Variants in NBEA observed in about 807,000 individuals in gnomAD.
NBEA encodes the protein neurobeachin.
In NBEA, 44 loss-of-function variants were observed where a neutral mutation model predicts 343.4. That is an observed-to-expected ratio of 0.13 (90% CI 0.10 to 0.16). The LOEUF is 0.16. Ranked by LOEUF, NBEA falls within the 10% of genes least tolerant of loss-of-function variation. The pLI is 1.00. For synonymous variants in NBEA, 1,175 were observed against 1,238.7 expected (o/e 0.95, Z 1.08); for missense variants, 2,555 against 3,631.3 (o/e 0.70, Z 7.62).
intron 38 of NBEA, among the ~76,000 whole-genome samples, chr13:35,380,402 G>A (rs778153250): frequency 9.2e-5 from 14 of 151,992 alleles, no homozygotes; most frequent in African/African-American, 2.7e-4. Flanking sequence ...CCAAGATCAC[G>A]CCACTGCACT....
intron 1 of NBEA, among the ~76,000 whole-genome samples, chr13:35,021,589 T>C (rs2061840785): frequency 1.3e-5 from 2 of 152,158 alleles, no homozygotes; most frequent in African/African-American, 2.4e-5. Context: ...TGTTATGACT[T>C]AATTTTACAC....
At chr13:35,599,747 A>T (rs899835752) in intron 47 of NBEA, among the ~76,000 whole-genome samples, 23 of 152,228 alleles carry the variant, frequency 1.5e-4, no homozygotes, top group African/African-American at 5.5e-4. Context: ...GGAGATGCCA[A>T]AGGGCTTGCT....
At chr13:35,361,104 A>C (rs1046782951) in intron 38 of NBEA, among the ~76,000 whole-genome samples, 2 of 152,098 alleles carry the variant, frequency 1.3e-5, no homozygotes, top group Non-Finnish European at 2.9e-5. Context: ...AAATCTTGAA[A>C]GAAAATACAG....
rs766634949 is a variant in NBEA, at chr13:35,352,144, T to C, written c.6013-13T>C. ...AAAGTTTATTATTATGCATCATTTG[T>C]ATTTCTTTATAGTCACAGTGTGCCC... On this transcript the variant is annotated splice_polypyrimidine_tract_variant and intron_variant, in intron 37 of 58. Coordinates refer to ENST00000379939, the MANE Select transcript of NBEA (RefSeq NM_001385012.1). 1 of 1,400,694 alleles carries C rather than the reference T, an allele frequency of 7.1e-7. No individual in the cohort carries two copies. Among genetic ancestry groups the C allele is most frequent in the East Asian group, 2.7e-5 (1 of 37,032 alleles). The allele number at this position is 1,400,694 out of a possible 1,614,324, so 86.8% of individuals were successfully genotyped here.
At chr13:35,334,217 A>G (rs191868492) in intron 36 of NBEA, among the ~76,000 whole-genome samples, 2 of 152,208 alleles carry the variant, frequency 1.3e-5, no homozygotes, top group Admixed American at 6.5e-5. Context: ...TGATATTGCT[A>G]AAGTTTAGAT....
intron 17 of NBEA, among the ~76,000 whole-genome samples, chr13:35,129,811 A>G (rs1273724681): frequency 6.6e-6 from 1 of 152,148 alleles, no homozygotes; most frequent in Non-Finnish European, 1.5e-5. Context: ...TCTTACCACA[A>G]AGTGAAACTC....
At chr13:34,979,696 A>G (rs933890780) in intron 1 of NBEA, among the ~76,000 whole-genome samples, 2 of 152,140 alleles carry the variant, frequency 1.3e-5, no homozygotes, top group Non-Finnish European at 2.9e-5. Flanking sequence ...ACTTAAAGCT[A>G]TATTTTCAGG....
chr13:35,325,337 A>T (rs1197855059), intron 36 of NBEA, among the ~76,000 whole-genome samples: 2 of 151,970 alleles, frequency 1.3e-5, no homozygotes, highest in African/African-American at 4.8e-5. Context: ...TGGGTACATA[A>T]TTGTATGTAT....
intron 1 of NBEA, among the ~76,000 whole-genome samples, chr13:35,040,064 G>A (rs1001739621): frequency 1.3e-5 from 2 of 152,058 alleles, no homozygotes; most frequent in Non-Finnish European, 2.9e-5. Context: ...CTTCAAATTT[G>A]TCAGACGTTG....
chr13:35,525,550 T>C lies in NBEA; in HGVS notation c.6586-24927T>C, dbSNP rs192428187. Among the ~76,000 whole-genome samples, 1,118 of 151,642 alleles carry C rather than the reference T, an allele frequency of 7.4e-3. 19 individuals are homozygous for C. Among genetic ancestry groups the C allele is most frequent in the East Asian group, 0.065 (337 of 5,162 alleles). On this transcript the variant is annotated intron_variant, in intron 41 of 58. Transcript: ENST00000379939. ...CCTGCATGACAGGAGCAAGATTCCA[T>C]CTCAATAAATAAATAAATAAATAAA...
rs1334643041 is a variant in NBEA, at chr13:35,173,467, G to T, written c.4427G>T (p.Cys1476Phe). 1 of 1,600,564 alleles carries T rather than the reference G, an allele frequency of 6.2e-7. No homozygotes were observed. The highest frequency in any genetic ancestry group is 8.5e-7 in the Non-Finnish European group (1 of 1,172,668). ...ATGTTTTTGAATTTTTAAATAGTTTGTTGTGTTGCTGTGAGAAACTGTTTA... is the reference window on the plus strand; with the variant it reads ...ATGTTTTTGAATTTTTAAATAGTTTTTTGTGTTGCTGTGAGAAACTGTTTA... ...GLMRQCLRLV[C>F]CVAVRNCLEC... Residue 1476 changes from cysteine to phenylalanine, a missense_variant, in exon 27 of 59, where the codon TGT becomes TTT. This residue lies in a region of NBEA where 168 missense variants were observed against 193.0 expected (regional missense o/e 0.87). Coordinates refer to ENST00000379939, the MANE Select transcript of NBEA (RefSeq NM_001385012.1).
chr13:35,134,286 A>G (rs1054293502), intron 17 of NBEA, among the ~76,000 whole-genome samples: 5 of 152,078 alleles, frequency 3.3e-5, no homozygotes, highest in South Asian at 2.1e-4. Context: ...TAATAGATTC[A>G]TAAAACTTGG....
intron 10 of NBEA, among the ~76,000 whole-genome samples, chr13:35,087,792 C>A (rs1021009949): frequency 6.6e-6 from 1 of 151,710 alleles, no homozygotes; most frequent in Non-Finnish European, 1.5e-5. Context: ...CAAAATAAAA[C>A]GTTTTGTTAC....
chr13:35,347,399 G>GA (rs2039942962), intron 36 of NBEA, among the ~76,000 whole-genome samples: 1 of 151,894 alleles, frequency 6.6e-6, no homozygotes, highest in Admixed American at 6.6e-5. Context: ...TCCCCGGAAA[G>GA]AAAAACTGGA....
chr13:35,646,182 C>A, intron 50 of NBEA, 77 bp from the exon 51 acceptor site: 2 of 1,131,654 alleles, frequency 1.8e-6, no homozygotes, highest in African/African-American at 1.5e-5. Flanking sequence ...TTGGGATACA[C>A]TTGCGTTGTC....
chr13:35,177,872 T>C (rs1221901455), intron 28 of NBEA, among the ~76,000 whole-genome samples: 4 of 151,758 alleles, frequency 2.6e-5, no homozygotes, highest in Non-Finnish European at 4.4e-5. Context: ...TAACAGTAAA[T>C]TGAATGGCAT....
chr13:35,509,148 T>C (rs150473195), intron 41 of NBEA, among the ~76,000 whole-genome samples: 4 of 152,338 alleles, frequency 2.6e-5, no homozygotes, highest in African/African-American at 9.6e-5. Flanking sequence ...ACCGTGGCTA[T>C]GGTTCTGCAA....
chr13:35,320,994 A>T (rs762949681), intron 36 of NBEA, among the ~76,000 whole-genome samples: 1 of 151,522 alleles, frequency 6.6e-6, no homozygotes, highest in Admixed American at 6.6e-5. Flanking sequence ...AATTCCTCCA[A>T]CGTTTTTTTC....
chr13:35,054,731 C>A (rs1465645413), intron 6 of NBEA, among the ~76,000 whole-genome samples: 2 of 149,876 alleles, frequency 1.3e-5, no homozygotes, highest in Non-Finnish European at 3.0e-5. Flanking sequence ...GCAACCTCTG[C>A]CTCCCAGGTT....
Sources: gnomAD v4.1 joint callset for allele counts (sites outside exome capture counted in the v4.1 genomes callset) on GRCh38, gnomAD v4.1.1 for gene constraint, gnomAD v4.1.1 regional missense constraint, MANE v1.5 for transcripts, NCBI Gene and HGNC (gene_info 2026-07-23, HGNC 2026-07-21) for gene names.